SPMIP2: variants seen among roughly 807,000 people sequenced by gnomAD.
SPMIP2 encodes sperm microtubule inner protein 2, also known as protein SPMIP2.
the SPMIP2 span, among the ~76,000 whole-genome samples, chr4:159,020,737 T>G: frequency 6.6e-6 from 1 of 152,218 alleles, no homozygotes; most frequent in African/African-American, 2.4e-5. Flanking sequence ...GCTAAGGCAC[T>G]CTGACGTTCT....
At chr4:159,043,452 A>G in the SPMIP2 span, among the ~76,000 whole-genome samples, 1 of 152,044 alleles carries the variant, frequency 6.6e-6, no homozygotes, top group African/African-American at 2.4e-5. Context: ...GGTTCACGCC[A>G]TTCTCCTGCC....
At chr4:158,938,766 G>C in the SPMIP2 span, among the ~76,000 whole-genome samples, 1 of 152,206 alleles carries the variant, frequency 6.6e-6, no homozygotes, top group Admixed American at 6.5e-5. Context: ...GTTTGTCCAT[G>C]ATGTAAAAAT....
the SPMIP2 span, among the ~76,000 whole-genome samples, chr4:158,954,404 C>T: frequency 7.9e-5 from 12 of 152,296 alleles, no homozygotes; most frequent in African/African-American, 2.9e-4. Flanking sequence ...TCATGTGGAA[C>T]TGTAAGTCCA....
the SPMIP2 span, among the ~76,000 whole-genome samples, chr4:158,946,900 G>C: frequency 3.9e-5 from 6 of 152,314 alleles, no homozygotes; most frequent in African/African-American, 1.4e-4. Context: ...CTGGTACATA[G>C]TTGGCACTTG....
the SPMIP2 span, chr4:158,905,858 C>G: frequency 6.6e-6 from 1 of 152,204 alleles, no homozygotes; most frequent in Admixed American, 6.5e-5. Flanking sequence ...ACATCTTTAG[C>G]ACTTTGCAGA....
chr4:158,906,664 C>T, the SPMIP2 span: 1 of 152,192 alleles, frequency 6.6e-6, no homozygotes, highest in Non-Finnish European at 1.5e-5. Context: ...CCGTGACACT[C>T]AGGATTCCAG....
At chr4:158,942,057 A>C in the SPMIP2 span, among the ~76,000 whole-genome samples, 4 of 152,220 alleles carry the variant, frequency 2.6e-5, no homozygotes, top group Admixed American at 2.6e-4. Context: ...CCACCATGTA[A>C]TTCATCCTTG....
the SPMIP2 span, among the ~76,000 whole-genome samples, chr4:159,061,304 TC>T: frequency 6.6e-6 from 1 of 151,746 alleles, no homozygotes; most frequent in Non-Finnish European, 1.5e-5. Context: ...TTGTTCCCTG[TC>T]CCCTCATCAC....
chr4:159,053,535 T>A, the SPMIP2 span, among the ~76,000 whole-genome samples: 2 of 152,104 alleles, frequency 1.3e-5, no homozygotes, highest in African/African-American at 4.8e-5. Context: ...CTATTTTAGG[T>A]CTCTTCCAGG....
chr4:158,901,954 TTTG>T, the SPMIP2 span, among the ~76,000 whole-genome samples: 1 of 151,840 alleles, frequency 6.6e-6, no homozygotes, highest in Non-Finnish European at 1.5e-5. Context: ...CTCAGAGGAG[TTTG>T]TTATTACCCA....
At chr4:159,066,675 T>A in the SPMIP2 span, among the ~76,000 whole-genome samples, 1 of 150,352 alleles carries the variant, frequency 6.7e-6, no homozygotes, top group Non-Finnish European at 1.5e-5. Context: ...ACACTTGAAG[T>A]CAACAAAGAA....
the SPMIP2 span, among the ~76,000 whole-genome samples, chr4:159,005,289 C>A: frequency 1.4e-5 from 2 of 145,988 alleles, no homozygotes; most frequent in Admixed American, 1.4e-4. Flanking sequence ...ACTAAAAATA[C>A]AAAAATTAGC....
chr4:159,001,473 A>G, the SPMIP2 span, among the ~76,000 whole-genome samples: 1 of 152,102 alleles, frequency 6.6e-6, no homozygotes, highest in Non-Finnish European at 1.5e-5. Context: ...CTAGTACCCA[A>G]TAGTTACTTT....
chr4:158,952,361 T>A, the SPMIP2 span, among the ~76,000 whole-genome samples: 1 of 152,320 alleles, frequency 6.6e-6, no homozygotes, highest in South Asian at 2.1e-4. Flanking sequence ...GTTTTCCCCA[T>A]ATTGTCCTTG....
chr4:159,041,124 A>G, the SPMIP2 span, among the ~76,000 whole-genome samples: 2 of 152,176 alleles, frequency 1.3e-5, no homozygotes, highest in Non-Finnish European at 2.9e-5. Flanking sequence ...TGAATTTGCA[A>G]CACCAGCTCA....
the SPMIP2 span, among the ~76,000 whole-genome samples, chr4:159,015,623 G>GA: frequency 6.6e-6 from 1 of 151,966 alleles, no homozygotes; most frequent in African/African-American, 2.4e-5. Flanking sequence ...TATTCTATTA[G>GA]AAAAAAGAGA....
the SPMIP2 span, among the ~76,000 whole-genome samples, chr4:158,939,113 A>G: frequency 6.6e-6 from 1 of 152,202 alleles, no homozygotes; most frequent in Non-Finnish European, 1.5e-5. Context: ...ACAGGGAAGG[A>G]AGGAGGACAG....
At chr4:158,973,338 C>T in the SPMIP2 span, 1 of 1,363,098 alleles carries the variant, frequency 7.3e-7, no homozygotes. Context: ...GTACTTAAAA[C>T]TTCTCCACAC....
the SPMIP2 span, among the ~76,000 whole-genome samples, chr4:158,973,538 A>G: frequency 1.3e-5 from 2 of 152,088 alleles, no homozygotes; most frequent in African/African-American, 4.8e-5. Context: ...ACCAAATGAG[A>G]CGGGTAGAAT....
Sources: allele counts gnomAD v4.1 joint callset (sites outside exome capture counted in the v4.1 genomes callset), GRCh38; gene constraint gnomAD v4.1.1; transcripts MANE v1.5; gene names NCBI Gene and HGNC (gene_info 2026-07-23, HGNC 2026-07-21).